RAB40C: variants seen among roughly 807,000 people sequenced by gnomAD.
The protein encoded by RAB40C is ras-related protein Rab-40C.
RAB40C carries 8 observed loss-of-function variants against 28.1 expected under a neutral mutation model. The ratio of observed to expected loss-of-function variants is 0.28; its 90% CI spans 0.17 to 0.51. The LOEUF (loss-of-function observed/expected upper bound fraction) is 0.51. Among genes scored for constraint, RAB40C ranks in the 20% least tolerant of loss-of-function variants. The probability of loss-of-function intolerance (pLI) is 0.97; values close to 1 mark genes in which losing one functional copy is unlikely to be tolerated. For synonymous variants in RAB40C, 201 were observed against 171.7 expected (o/e 1.17, Z -1.34); for missense variants, 288 against 405.9 (o/e 0.71, Z 2.50).
rs374574255 is a variant in RAB40C, at chr16:627,323, C to T, written c.566-19C>T. On this transcript the variant is annotated intron_variant, in intron 5 of 5. Transcript: ENST00000248139. ...CCTCCCCCACAGCCCCATGGTCTGA[C>T]ACCCCCTCTGCCCCACAGTGTTCAG... 1.9e-6 allele frequency: 3 copies of T among 1,605,682 alleles called. No homozygotes were observed. Among genetic ancestry groups the T allele is most frequent in the Non-Finnish European group, 2.6e-6 (3 of 1,175,716 alleles).
intron 1 of RAB40C, among the ~76,000 whole-genome samples, chr16:606,065 T>C (rs1386304300): frequency 6.6e-6 from 1 of 152,270 alleles, no homozygotes; most frequent in Middle Eastern, 3.2e-3. Flanking sequence ...AGGGCCGCAA[T>C]AGATGGCCTT....
chr16:622,923 C>T (rs1393964662), intron 3 of RAB40C, among the ~76,000 whole-genome samples: 6 of 152,160 alleles, frequency 3.9e-5, no homozygotes, highest in African/African-American at 1.4e-4. Flanking sequence ...GGGTGCCGTT[C>T]GTTAGGCGGC....
chr16:608,825 A>G (rs1375466220), intron 1 of RAB40C, among the ~76,000 whole-genome samples: 1 of 152,138 alleles, frequency 6.6e-6, no homozygotes, highest in African/African-American at 2.4e-5. Flanking sequence ...ATGAGCCAAG[A>G]TTGTGCTACA....
At chr16:599,530 A>G (rs562103318) in intron 1 of RAB40C, among the ~76,000 whole-genome samples, 9 of 152,356 alleles carry the variant, frequency 5.9e-5, no homozygotes, top group African/African-American at 1.9e-4. Context: ...GTACGTGAAA[A>G]TGCACACCCG....
intron 3 of RAB40C, among the ~76,000 whole-genome samples, chr16:619,742 T>C (rs886682725): frequency 1.8e-4 from 27 of 152,222 alleles, no homozygotes. Context: ...ATGCAGCTTC[T>C]GGCTCAGGTG....
chr16:616,532 G>C (rs1048555610), intron 1 of RAB40C: 1 of 151,814 alleles, frequency 6.6e-6, no homozygotes, highest in African/African-American at 2.4e-5. Context: ...TAGAGACGGG[G>C]TTTCACTGTG....
rs74000876 is a variant in RAB40C, at chr16:625,101, C to T, written c.265-331C>T. On this transcript the variant is annotated intron_variant, in intron 3 of 5. Transcript: ENST00000248139. ...TGGCCGAGAGGACACTTAGCTTCCA[C>T]AGCTGCACGTCCCCCGGCTGCCAGA... 3.4e-3 allele frequency: 4,409 copies of T among 1,315,354 alleles called. 133 individuals carry two copies. The African/African-American group carries it at 0.059, about 18-fold the overall frequency. The allele number at this position is 1,315,354 out of a possible 1,614,324, so 81.5% of individuals were successfully genotyped here.
chr16:589,635 T>C (rs994307719), upstream of RAB40C: 2 of 152,006 alleles, frequency 1.3e-5, no homozygotes, highest in East Asian at 1.9e-4. Context: ...GACAACGGCG[T>C]TGTGGGCCGG....
intron 1 of RAB40C, among the ~76,000 whole-genome samples, chr16:600,826 A>G (rs2036233859): frequency 6.6e-6 from 1 of 152,240 alleles, no homozygotes; most frequent in Non-Finnish European, 1.5e-5. Context: ...ATTATCAGCA[A>G]GCGGTGACTG....
rs187335383 is a variant in RAB40C, at chr16:602,999, A to G, written c.142+12566A>G. Among the ~76,000 whole-genome samples the G allele has an allele frequency of 1.2e-3, 177 of 152,270 alleles. 3 individuals are homozygous for G. Among genetic ancestry groups the G allele is most frequent in the African/African-American group, 3.7e-3 (154 of 41,550 alleles). ...AGATGGGAGAGGAGAATTTTAAGAG[A>G]TAGGGTCTCACTGTGTTGCCCAGGC... On this transcript the variant is annotated intron_variant, in intron 1 of 5. Transcript: ENST00000248139.
At chr16:624,801 G>A in intron 3 of RAB40C, 1 of 985,456 alleles carries the variant, frequency 1.0e-6, no homozygotes, top group South Asian at 4.7e-5. Flanking sequence ...AGTGTGAGCA[G>A]TGTGCTCCCC....
At position 606,879 on chromosome 16, in the gene RAB40C, G is replaced by A. The variant is rs902015620; in HGVS notation, c.143-10329G>A. Reference sequence around the variant, plus strand: ...ATAATCCCGGATAATCTCCCACCTCGAGATCCGTGCACCTTAATCCTGTCT... The same window carrying A: ...ATAATCCCGGATAATCTCCCACCTCAAGATCCGTGCACCTTAATCCTGTCT... On this transcript the variant is annotated intron_variant, in intron 1 of 5. Coordinates refer to ENST00000248139, the MANE Select transcript of RAB40C (RefSeq NM_021168.5). 1.1e-4 allele frequency among the ~76,000 whole-genome samples: 16 copies of A among 152,252 alleles called. No individual in the cohort carries two copies. In the Middle Eastern group the frequency reaches 0.01, roughly 97 times the overall value.
intron 1 of RAB40C, among the ~76,000 whole-genome samples, chr16:612,021 T>C (rs1203016004): frequency 2.6e-5 from 1 of 37,846 alleles, no homozygotes. Context: ...GACAGCCGCC[T>C]TTGCCTGTAG....
chr16:611,399 G>A (rs1430152400), intron 1 of RAB40C, among the ~76,000 whole-genome samples: 1 of 152,228 alleles, frequency 6.6e-6, no homozygotes, highest in Non-Finnish European at 1.5e-5. Context: ...GGCCTTTGTG[G>A]CAATCGTGGT....
At chr16:614,947 T>C (rs915038726) in intron 1 of RAB40C, among the ~76,000 whole-genome samples, 1 of 152,238 alleles carries the variant, frequency 6.6e-6, no homozygotes, top group Non-Finnish European at 1.5e-5. Flanking sequence ...AATGGCGTTG[T>C]CCCTGGGTAC....
In RAB40C at chr16:601,815, TAAAAAAAAAAAA is replaced by T. The variant is rs60094426; in HGVS notation, c.142+11401_142+11412del. Among the ~76,000 whole-genome samples, 42 of 27,206 alleles carry T rather than the reference TAAAAAAAAAAAA, an allele frequency of 1.5e-3. 1 individual carries two copies. The South Asian group carries it at 0.039, about 25-fold the overall frequency. The allele number at this position is 27,206 out of a possible 152,430, so 17.8% of individuals were successfully genotyped here. A position where few individuals can be genotyped will look rare whatever the true frequency, so the allele number is the denominator to read the frequency against. ...AAGGCCCTATCCCTGCAAAAAAAAG[TAAAAAAAAAAAA>T]AAAAAAAAAAAAAAAAAAGGCCGGA... is the stretch of plus-strand genomic sequence containing the variant. On this transcript the variant is annotated intron_variant, in intron 1 of 5. Transcript: ENST00000248139.
At chr16:601,089 T>C (rs1334464480) in intron 1 of RAB40C, among the ~76,000 whole-genome samples, 1 of 152,230 alleles carries the variant, frequency 6.6e-6, no homozygotes, top group Non-Finnish European at 1.5e-5. Context: ...TCTCCTGATG[T>C]AGTTTTCCTC....
chr16:604,577 C>T (rs1309205284), intron 1 of RAB40C, among the ~76,000 whole-genome samples: 1 of 151,220 alleles, frequency 6.6e-6, no homozygotes, highest in East Asian at 1.9e-4. Flanking sequence ...GAAGGTGTTT[C>T]TCTAGAATAC....
chr16:603,830 A>G (rs2036303933), intron 1 of RAB40C, among the ~76,000 whole-genome samples: 1 of 152,088 alleles, frequency 6.6e-6, no homozygotes. Flanking sequence ...TTCCTGTTCC[A>G]GACATCATGG....
Sources: gnomAD v4.1 joint callset for allele counts (sites outside exome capture counted in the v4.1 genomes callset) on GRCh38, gnomAD v4.1.1 for gene constraint, MANE v1.5 for transcripts, NCBI Gene and HGNC (gene_info 2026-07-23, HGNC 2026-07-21) for gene names.